The following AGMO variants were observed in gnomAD, a reference collection of about 807,000 sequenced individuals.
AGMO encodes glyceryl-ether monooxygenase.
AGMO carries 75 observed loss-of-function variants against 60.2 expected under a neutral mutation model. The observed-to-expected ratio is 1.25, with a 90% confidence interval of 1.03 to 1.51. AGMO has a LOEUF of 1.51. Among genes scored for constraint, AGMO ranks in the 40% most tolerant of loss-of-function variants. The pLI is 0.00. For synonymous variants in AGMO, 261 were observed against 177.1 expected (o/e 1.47, Z -3.76); for missense variants, 763 against 525.5 (o/e 1.45, Z -4.42).
intron 3 of AGMO, among the ~76,000 whole-genome samples, chr7:15,487,155 TA>T (rs1246755663): frequency 1.3e-5 from 2 of 152,182 alleles, no homozygotes; most frequent in East Asian, 3.8e-4. Context: ...TATTTTTAAA[TA>T]AAAAGTTATA....
At chr7:15,298,076 G>C (rs1393589043) in intron 12 of AGMO, among the ~76,000 whole-genome samples, 1 of 151,726 alleles carries the variant, frequency 6.6e-6, no homozygotes, top group Admixed American at 6.6e-5. Context: ...TTTTGAAGAG[G>C]ACATGTTATA....
At chr7:15,466,373 A>C (rs1782289442) in intron 3 of AGMO, among the ~76,000 whole-genome samples, 2 of 152,162 alleles carry the variant, frequency 1.3e-5, no homozygotes, top group Admixed American at 1.3e-4. Context: ...CTAGTGGAGA[A>C]GACAAGCATT....
chr7:15,554,149 T>C (rs1785060996), intron 2 of AGMO, among the ~76,000 whole-genome samples: 1 of 152,086 alleles, frequency 6.6e-6, no homozygotes, highest in Non-Finnish European at 1.5e-5. Flanking sequence ...TTTTCAAAAA[T>C]GTTCTCAGAA....
chr7:15,547,442 G>A (rs1037868573), intron 2 of AGMO, among the ~76,000 whole-genome samples: 6 of 152,130 alleles, frequency 3.9e-5, no homozygotes, highest in South Asian at 4.1e-4. Context: ...GACAGTGGGC[G>A]CAGGTCAGTG....
chr7:15,435,125 G>T (rs1349689544), intron 3 of AGMO, among the ~76,000 whole-genome samples: 1 of 151,970 alleles, frequency 6.6e-6, no homozygotes, highest in East Asian at 1.9e-4. Flanking sequence ...ATGAGTTGAA[G>T]AACATTTCAG....
intron 12 of AGMO, among the ~76,000 whole-genome samples, chr7:15,272,731 T>C (rs1307046862): frequency 3.3e-5 from 5 of 152,184 alleles, no homozygotes; most frequent in Non-Finnish European, 7.3e-5. Flanking sequence ...GTTGAACTAG[T>C]TTACAGTGCC....
At chr7:15,364,713 T>C (rs534439733) in intron 12 of AGMO, among the ~76,000 whole-genome samples, 10 of 151,974 alleles carry the variant, frequency 6.6e-5, no homozygotes, top group Admixed American at 1.3e-4. Context: ...TCCAAAGGAG[T>C]TGTTTCAATT....
chr7:15,367,581 A>T lies in AGMO; in HGVS notation c.1075-1359T>A, dbSNP rs529840143. Among the ~76,000 whole-genome samples, 6 of 152,268 alleles carry T rather than the reference A, an allele frequency of 3.9e-5. No individual in the cohort carries two copies. In the South Asian group the frequency reaches 1.2e-3, roughly 32 times the overall value. On this transcript the variant is annotated intron_variant, in intron 10 of 12. Coordinates refer to ENST00000342526, the MANE Select transcript of AGMO (RefSeq NM_001004320.2). ...CTGCCTGATCACAAAGCATGATGACAGTAGAATACATATGAGCAATAGATT... is the reference window on the plus strand; with the variant it reads ...CTGCCTGATCACAAAGCATGATGACTGTAGAATACATATGAGCAATAGATT...
At chr7:15,129,984 C>A in the AGMO span, among the ~76,000 whole-genome samples, 2 of 151,930 alleles carry the variant, frequency 1.3e-5, no homozygotes, top group East Asian at 3.9e-4. Context: ...AATTAGAAAG[C>A]CTGTATTGTA....
intron 12 of AGMO, among the ~76,000 whole-genome samples, chr7:15,319,775 G>T (rs1781051106): frequency 6.6e-6 from 1 of 151,852 alleles, no homozygotes; most frequent in Admixed American, 6.6e-5. Flanking sequence ...CTCAAAACTG[G>T]AATTATTTGA....
intron 3 of AGMO, among the ~76,000 whole-genome samples, chr7:15,493,365 CTTTTTTT>C (rs71004387): frequency 9.0e-5 from 6 of 66,642 alleles, no homozygotes; most frequent in Admixed American, 5.6e-4. Context: ...ACACACACTT[CTTTTTTT>C]TTTTTTTTTT....
chr7:15,461,083 A>G (rs971440575), intron 3 of AGMO, among the ~76,000 whole-genome samples: 22 of 152,212 alleles, frequency 1.4e-4, no homozygotes, highest in South Asian at 4.2e-4. Context: ...TTCAAAATGT[A>G]TGGCTATTTT....
intron 5 of AGMO, among the ~76,000 whole-genome samples, chr7:15,395,783 T>G (rs545073117): frequency 2.6e-5 from 4 of 152,318 alleles, no homozygotes; most frequent in Admixed American, 1.3e-4. Context: ...AATAATAAAT[T>G]GCCTAAGTCT....
intron 3 of AGMO, among the ~76,000 whole-genome samples, chr7:15,470,021 A>T (rs1179079843): frequency 6.6e-6 from 1 of 152,050 alleles, no homozygotes; most frequent in African/African-American, 2.4e-5. Context: ...CAATAAAAAC[A>T]ACTTTTTAAG....
At chr7:15,460,029 G>A (rs1001225016) in intron 3 of AGMO, among the ~76,000 whole-genome samples, 2 of 151,082 alleles carry the variant, frequency 1.3e-5, no homozygotes, top group African/African-American at 4.9e-5. Context: ...TGTATAGCAA[G>A]TTTACCTACG....
At chr7:15,318,732 G>A (rs117821463) in intron 12 of AGMO, among the ~76,000 whole-genome samples, 511 of 151,958 alleles carry the variant, frequency 3.4e-3, no homozygotes, top group Non-Finnish European at 6.0e-3. Flanking sequence ...AAAAATACGG[G>A]CTAGAATTAT....
chr7:15,530,827 A>G (rs1784297134), intron 3 of AGMO, among the ~76,000 whole-genome samples: 1 of 54,502 alleles, frequency 1.8e-5, no homozygotes, highest in African/African-American at 5.8e-5. Context: ...ACATTTCTAT[A>G]TATATTCTAT....
chr7:15,270,451 C>A (rs1198069865), intron 12 of AGMO, among the ~76,000 whole-genome samples: 1 of 151,812 alleles, frequency 6.6e-6, no homozygotes, highest in African/African-American at 2.4e-5. Context: ...ATGTCCTTTG[C>A]CCAGTTTGAA....
chr7:15,507,687 T>A (rs1783554567), intron 3 of AGMO, among the ~76,000 whole-genome samples: 1 of 152,128 alleles, frequency 6.6e-6, no homozygotes, highest in South Asian at 2.1e-4. Flanking sequence ...CAGTGGTAAG[T>A]TTTAACACTG....
Sources: gnomAD v4.1 joint callset for allele counts (sites outside exome capture counted in the v4.1 genomes callset) on GRCh38, gnomAD v4.1.1 for gene constraint, MANE v1.5 for transcripts, NCBI Gene and HGNC (gene_info 2026-07-23, HGNC 2026-07-21) for gene names.